The following ARHGEF3 variants were observed in gnomAD, a reference collection of about 807,000 sequenced individuals.
ARHGEF3 encodes 59.8 kDA protein.
A neutral mutation model predicts 63.2 loss-of-function variants in ARHGEF3; 28 were observed. That is an observed-to-expected ratio of 0.44 (90% CI 0.33 to 0.61). The LOEUF (loss-of-function observed/expected upper bound fraction) is 0.61, where lower values mean the gene tolerates loss of function less well. Among genes scored for constraint, ARHGEF3 ranks in the 20% least tolerant of loss-of-function variants. The probability of loss-of-function intolerance (pLI) is 0.03; values close to 1 mark genes in which losing one functional copy is unlikely to be tolerated. For missense variants in ARHGEF3, 533 were observed against 659.3 expected, an observed-to-expected ratio of 0.81 and a Z score of 2.10; for synonymous variants, 266 against 254.2, an observed-to-expected ratio of 1.05 and a Z score of -0.44.
intron 4 of ARHGEF3, among the ~76,000 whole-genome samples, chr3:56,865,472 AT>A (rs935122191): frequency 3.9e-5 from 6 of 152,216 alleles, no homozygotes; most frequent in African/African-American, 1.4e-4. Flanking sequence ...ATAATTTATA[AT>A]TTTTTAAAGC....
chr3:56,948,009 A>C (rs368163572), intron 3 of ARHGEF3, among the ~76,000 whole-genome samples: 2 of 152,218 alleles, frequency 1.3e-5, no homozygotes, highest in South Asian at 4.1e-4. Context: ...GAAACTGAAC[A>C]ACCTGCTCCT....
intron 7 of ARHGEF3, 23 bp downstream of exon 7, chr3:56,745,182 G>C (rs1414928898): frequency 6.2e-7 from 1 of 1,604,536 alleles, no homozygotes; most frequent in East Asian, 2.2e-5. Flanking sequence ...CAAGAAGAGA[G>C]AGAAGGAAAC....
chr3:56,957,270 T>C (rs1221902770), intron 3 of ARHGEF3, among the ~76,000 whole-genome samples: 1 of 152,240 alleles, frequency 6.6e-6, no homozygotes, highest in Non-Finnish European at 1.5e-5. Flanking sequence ...CCATGATCTA[T>C]ATTTATTTTT....
intron 2 of ARHGEF3, among the ~76,000 whole-genome samples, chr3:57,011,195 CA>C (rs1702686175): frequency 6.6e-6 from 1 of 152,196 alleles, no homozygotes; most frequent in Non-Finnish European, 1.5e-5. Flanking sequence ...TTGATGAAAA[CA>C]AAGACGTTTT....
intron 4 of ARHGEF3, among the ~76,000 whole-genome samples, chr3:56,861,817 T>TTCC (rs1311903425): frequency 6.6e-6 from 1 of 151,412 alleles, no homozygotes; most frequent in Non-Finnish European, 1.5e-5. Context: ...CCTCAGACTC[T>TTCC]TCCTCCTTTC....
At chr3:56,899,295 C>T (rs1222472026) in intron 3 of ARHGEF3, among the ~76,000 whole-genome samples, 1 of 152,210 alleles carries the variant, frequency 6.6e-6, no homozygotes, top group Non-Finnish European at 1.5e-5. Flanking sequence ...CCGGGAGAGT[C>T]AGCTTATGTT....
At chr3:57,073,612 G>A in intron 1 of ARHGEF3, 1 of 1,499,838 alleles carries the variant, frequency 6.7e-7, no homozygotes. Context: ...GGTTGCAAGA[G>A]TGCTGCATGC....
chr3:56,963,783 T>C (rs1700373831), intron 2 of ARHGEF3, among the ~76,000 whole-genome samples: 1 of 152,216 alleles, frequency 6.6e-6, no homozygotes. Flanking sequence ...AATGGCTTCT[T>C]TCACTTAAAC....
intron 3 of ARHGEF3, among the ~76,000 whole-genome samples, chr3:56,913,620 T>C (rs2041911687): frequency 6.6e-6 from 1 of 152,172 alleles, no homozygotes; most frequent in Non-Finnish European, 1.5e-5. Flanking sequence ...ACATTCAAAA[T>C]AGAATTACTG....
intron 7 of ARHGEF3, among the ~76,000 whole-genome samples, chr3:56,741,087 T>C (rs1449136327): frequency 1.3e-5 from 2 of 152,164 alleles, no homozygotes; most frequent in African/African-American, 4.8e-5. Context: ...TATACATTTA[T>C]AATAGTAACT....
At chr3:56,907,319 C>T (rs889451498) in intron 3 of ARHGEF3, among the ~76,000 whole-genome samples, 2 of 152,168 alleles carry the variant, frequency 1.3e-5, no homozygotes, top group African/African-American at 4.8e-5. Flanking sequence ...CTCCAGAGGG[C>T]ACAACGCTAT....
intron 2 of ARHGEF3, among the ~76,000 whole-genome samples, chr3:57,000,016 C>A (rs1702126591): frequency 6.6e-6 from 1 of 152,106 alleles, no homozygotes; most frequent in African/African-American, 2.4e-5. Flanking sequence ...AATGACTTAA[C>A]CCCTCTGAGC....
At chr3:56,995,651 G>GAGAGAGAC (rs1560116531) in intron 2 of ARHGEF3, among the ~76,000 whole-genome samples, 2 of 121,782 alleles carry the variant, frequency 1.6e-5, no homozygotes, top group Non-Finnish European at 3.6e-5. Flanking sequence ...GAGAGAGAGA[G>GAGAGAGAC]AGAGAGAGAG....
At chr3:56,939,245 G>A (rs894172553) in intron 3 of ARHGEF3, among the ~76,000 whole-genome samples, 4 of 152,092 alleles carry the variant, frequency 2.6e-5, no homozygotes, top group Admixed American at 6.5e-5. Flanking sequence ...AACCTAACAC[G>A]GAGGAAAGAA....
intron 1 of ARHGEF3, among the ~76,000 whole-genome samples, chr3:57,038,324 G>C (rs1704045102): frequency 6.6e-6 from 1 of 152,226 alleles, no homozygotes; most frequent in Non-Finnish European, 1.5e-5. Context: ...GGGGGTTGTT[G>C]GGTTGATCGT....
In ARHGEF3 at chr3:56,755,990, T is replaced by C. The variant is rs540314083; in HGVS notation, c.205-839A>G. Among the ~76,000 whole-genome samples the C allele has an allele frequency of 7.2e-5, 11 of 152,344 alleles. No homozygotes were observed. In the South Asian group the frequency reaches 2.3e-3, roughly 32 times the overall value. On this transcript the variant is annotated intron_variant, in intron 2 of 9. Coordinates refer to ENST00000296315, the MANE Select transcript of ARHGEF3 (RefSeq NM_019555.3). ...TAGAAAGACATTTCCCTTTCTATTA[T>C]CTCAGTTGGGGTTCTGTCAACTTGA...
At chr3:56,788,214 G>A (rs574069652) in intron 1 of ARHGEF3, among the ~76,000 whole-genome samples, 29 of 152,176 alleles carry the variant, frequency 1.9e-4, no homozygotes, top group African/African-American at 5.8e-4. Flanking sequence ...GGGGGGTGGC[G>A]GGCATCCAGC....
chr3:57,067,967 G>A (rs1228096488), intron 1 of ARHGEF3, among the ~76,000 whole-genome samples: 1 of 151,918 alleles, frequency 6.6e-6, no homozygotes, highest in Non-Finnish European at 1.5e-5. Flanking sequence ...TCCAGCCTGG[G>A]CGACAGAGCA....
intron 1 of ARHGEF3, among the ~76,000 whole-genome samples, chr3:57,038,855 C>T (rs1462401670): frequency 3.9e-5 from 6 of 152,188 alleles, no homozygotes; most frequent in Non-Finnish European, 5.9e-5. Context: ...CAGGGCCCTG[C>T]AGAAAAGCCA....
Sources: gnomAD v4.1 joint callset for allele counts (sites outside exome capture counted in the v4.1 genomes callset) on GRCh38, gnomAD v4.1.1 for gene constraint, MANE v1.5 for transcripts, NCBI Gene and HGNC (gene_info 2026-07-23, HGNC 2026-07-21) for gene names.